TP63: variants seen among roughly 807,000 people sequenced by gnomAD.
The protein encoded by TP63 is tumor protein p63.
Under a neutral mutation model 82.8 loss-of-function variants are expected in TP63, and 17 were observed. The observed-to-expected ratio is 0.21, with a 90% CI of 0.14 to 0.31. TP63 has a LOEUF of 0.31. TP63 is among the 10% of genes least tolerant of loss of function. The pLI is 1.00. For synonymous variants in TP63, 330 were observed against 321.7 expected, an observed-to-expected ratio of 1.03 and a Z score of -0.28; for missense variants, 648 against 895.3, an observed-to-expected ratio of 0.72 and a Z score of 3.52.
intron 3 of TP63, among the ~76,000 whole-genome samples, chr3:189,765,433 C>CTTTTTTTTTTTTTT (rs576530590): frequency 0.028 from 830 of 30,074 alleles, 368 homozygotes; most frequent in African/African-American, 0.054. Flanking sequence ...CTGTCCTCTG[C>CTTTTTTTTTTTTTT]TTTTTTTTTT....
chr3:189,695,966 T>C (rs1468467254), intron 1 of TP63, among the ~76,000 whole-genome samples: 4 of 152,188 alleles, frequency 2.6e-5, no homozygotes, highest in African/African-American at 7.2e-5. Flanking sequence ...TTTAGTGAGG[T>C]TGTTTCATAT....
At chr3:189,840,080 C>G (rs747890524) in intron 4 of TP63, among the ~76,000 whole-genome samples, 1 of 152,190 alleles carries the variant, frequency 6.6e-6, no homozygotes, top group Non-Finnish European at 1.5e-5. Flanking sequence ...GACTGTAGAT[C>G]ACAGTACGTG....
intron 3 of TP63, among the ~76,000 whole-genome samples, chr3:189,799,117 A>G (rs1006724916): frequency 6.6e-6 from 1 of 152,130 alleles, no homozygotes; most frequent in African/African-American, 2.4e-5. Flanking sequence ...TCCAGTTGCA[A>G]ATAAAAACTA....
At chr3:189,608,831 G>C in the TP63 span, among the ~76,000 whole-genome samples, 1 of 151,678 alleles carries the variant, frequency 6.6e-6, no homozygotes, top group Non-Finnish European at 1.5e-5. Context: ...CACATTCACA[G>C]CACTTCAATA....
At chr3:189,738,821 T>C in intron 3 of TP63, 47 bp downstream of exon 3, 1 of 1,608,000 alleles carries the variant, frequency 6.2e-7, no homozygotes, top group Non-Finnish European at 8.5e-7. Flanking sequence ...ATGCTATCTA[T>C]AGCTCTGTTA....
At chr3:189,884,255 A>G (rs532839137) in intron 10 of TP63, among the ~76,000 whole-genome samples, 1 of 152,210 alleles carries the variant, frequency 6.6e-6, no homozygotes, top group East Asian at 1.9e-4. Flanking sequence ...ATATGTGCTG[A>G]CTCTTTGAAA....
intron 4 of TP63, among the ~76,000 whole-genome samples, chr3:189,830,288 G>T (rs1184206036): frequency 6.6e-6 from 1 of 152,092 alleles, no homozygotes; most frequent in Non-Finnish European, 1.5e-5. Flanking sequence ...TTGATAATTT[G>T]TGTGTTTGAA....
chr3:189,827,369 C>T (rs1711582500), intron 4 of TP63, among the ~76,000 whole-genome samples: 5 of 152,172 alleles, frequency 3.3e-5, no homozygotes, highest in Admixed American at 2.6e-4. Context: ...CCAGCTCCCC[C>T]TTACAGACAC....
chr3:189,710,570 GT>G (rs1718518800), intron 1 of TP63, among the ~76,000 whole-genome samples: 1 of 151,674 alleles, frequency 6.6e-6, no homozygotes, highest in African/African-American at 2.4e-5. Flanking sequence ...TTGCTGATTT[GT>G]CCAACTCTAG....
intron 3 of TP63, among the ~76,000 whole-genome samples, chr3:189,795,038 T>C (rs916466263): frequency 8.9e-4 from 136 of 152,200 alleles, no homozygotes; most frequent in African/African-American, 3.2e-3. Flanking sequence ...GCATAATTAC[T>C]AATAGCACAC....
intron 1 of TP63, among the ~76,000 whole-genome samples, chr3:189,706,213 G>T (rs934419241): frequency 2.0e-5 from 3 of 152,060 alleles, no homozygotes. Context: ...GAAAAAAAGA[G>T]AAATCAGCTT....
chr3:189,658,825 A>G (rs1249321672), intron 1 of TP63, among the ~76,000 whole-genome samples: 1 of 152,020 alleles, frequency 6.6e-6, no homozygotes, highest in Non-Finnish European at 1.5e-5. Flanking sequence ...ATATGAATAA[A>G]TTATGGGACT....
intron 3 of TP63, among the ~76,000 whole-genome samples, chr3:189,804,121 T>C (rs1302110294): frequency 6.6e-6 from 1 of 152,230 alleles, no homozygotes; most frequent in East Asian, 1.9e-4. Flanking sequence ...GCCGTTTTTA[T>C]GGCTGATCTG....
chr3:189,777,086 A>C (rs1723859696), intron 3 of TP63, among the ~76,000 whole-genome samples: 2 of 152,230 alleles, frequency 1.3e-5, no homozygotes, highest in Admixed American at 6.5e-5. Context: ...TATGAGAAAG[A>C]TACAGATAAT....
chr3:189,686,435 C>A (rs1216922334), intron 1 of TP63, among the ~76,000 whole-genome samples: 1 of 152,048 alleles, frequency 6.6e-6, no homozygotes, highest in African/African-American at 2.4e-5. Context: ...TGTGGCATCA[C>A]AGGATGTCTC....
At chr3:189,793,330 T>C (rs1032084996) in intron 3 of TP63, among the ~76,000 whole-genome samples, 8 of 152,086 alleles carry the variant, frequency 5.3e-5, no homozygotes, top group African/African-American at 1.9e-4. Context: ...CAACAGCATG[T>C]CACACGTACA....
chr3:189,875,609 T>TATAC (rs1553859654), intron 10 of TP63, among the ~76,000 whole-genome samples: 1 of 62,986 alleles, frequency 1.6e-5, no homozygotes, highest in African/African-American at 5.5e-5. Context: ...TATATATATA[T>TATAC]ATATATATAT....
At chr3:189,771,947 G>A (rs1052233951) in intron 3 of TP63, among the ~76,000 whole-genome samples, 3 of 152,026 alleles carry the variant, frequency 2.0e-5, no homozygotes, top group African/African-American at 4.8e-5. Context: ...ATAGCATTTC[G>A]GAAACTGTTG....
chr3:189,710,736 T>G (rs1258779073), intron 1 of TP63, among the ~76,000 whole-genome samples: 1 of 152,106 alleles, frequency 6.6e-6, no homozygotes, highest in Non-Finnish European at 1.5e-5. Context: ...GAGGGGTGAT[T>G]CAACAGAGTC....
Sources: gnomAD v4.1 joint callset for allele counts (sites outside exome capture counted in the v4.1 genomes callset) on GRCh38, gnomAD v4.1.1 for gene constraint, MANE v1.5 for transcripts, NCBI Gene and HGNC (gene_info 2026-07-23, HGNC 2026-07-21) for gene names.